Variants in GRAPL observed in about 807,000 individuals in gnomAD.
GRAPL encodes GRB2 related adaptor protein like, also known as GRB2-related adapter protein-like.
intron 3 of GRAPL, among the ~76,000 whole-genome samples, chr17:19,147,050 T>TGCGTGTGCGCGC (rs2044699615): frequency 1.7e-5 from 2 of 119,654 alleles, no homozygotes; most frequent in African/African-American, 8.4e-5. Context: ...TGTGTGTGTG[T>TGCGTGTGCGCGC]GCGCGCGCGC....
intron 3 of GRAPL, among the ~76,000 whole-genome samples, chr17:19,144,504 A>C (rs2044687362): frequency 7.0e-6 from 1 of 142,612 alleles, no homozygotes. Flanking sequence ...CATAACAGTC[A>C]CTCCACACAG....
intron 3 of GRAPL, among the ~76,000 whole-genome samples, chr17:19,144,476 C>A (rs1173155133): frequency 7.1e-6 from 1 of 141,236 alleles, no homozygotes; most frequent in Non-Finnish European, 1.5e-5. Flanking sequence ...CTCATGATTG[C>A]TCAGTGAGAG....
chr17:19,147,027 G>A (rs1461937592), intron 3 of GRAPL, among the ~76,000 whole-genome samples: 1 of 119,210 alleles, frequency 8.4e-6, no homozygotes, highest in Non-Finnish European at 1.5e-5. Context: ...GTGTGTGTGT[G>A]TGTGTGTGTG....
At chr17:19,148,832 T>A (rs1190415064) in intron 3 of GRAPL, among the ~76,000 whole-genome samples, 1 of 98,314 alleles carries the variant, frequency 1.0e-5, no homozygotes, top group Non-Finnish European at 2.0e-5. Flanking sequence ...GGCGTGAACC[T>A]GGGAGGCGGA....
intron 3 of GRAPL, among the ~76,000 whole-genome samples, chr17:19,144,364 C>A (rs2044686191): frequency 7.6e-6 from 1 of 131,380 alleles, no homozygotes; most frequent in African/African-American, 2.8e-5. Context: ...CAGCATTAGG[C>A]CTGACTTGGT....
chr17:19,148,934 A>C (rs2044714042), intron 3 of GRAPL, among the ~76,000 whole-genome samples: 1 of 133,924 alleles, frequency 7.5e-6, no homozygotes, highest in Non-Finnish European at 1.6e-5. Context: ...AGAAAAGAAA[A>C]AAGAAAGAGC....
chr17:19,147,125 C>A (rs981005748), intron 3 of GRAPL, among the ~76,000 whole-genome samples: 3 of 144,466 alleles, frequency 2.1e-5, no homozygotes, highest in African/African-American at 8.2e-5. Context: ...TCATTTAGCC[C>A]AAATGTGAAC....
chr17:19,147,044 TGTGTGTGCGCGCGC>T lies in GRAPL; in HGVS notation c.299+8458_299+8471del, dbSNP rs962163103. Reference sequence around the variant, plus strand: ...GTGTGTGTGTGTGTGTGTGTGTGTGTGTGTGTGCGCGCGCGCGCGCGTGCATGTGTCCCATCAAG... The same window carrying T: ...GTGTGTGTGTGTGTGTGTGTGTGTGTGCGCGCGTGCATGTGTCCCATCAAG... On this transcript the variant is annotated intron_variant, in intron 3 of 3. Transcript: ENST00000344415. 2.2e-4 allele frequency among the ~76,000 whole-genome samples: 27 copies of T among 125,282 alleles called. 1 individual carries two copies. The East Asian group carries it at 7.6e-3, about 35-fold the overall frequency. 82.2% of individuals were successfully genotyped at this position (125,282 alleles called of 152,430 possible). A position where few individuals can be genotyped will look rare whatever the true frequency, so the allele number is the denominator to read the frequency against.
chr17:19,149,347 A>AGCC (rs2044720832), intron 3 of GRAPL, among the ~76,000 whole-genome samples: 1 of 98,102 alleles, frequency 1.0e-5, no homozygotes, highest in African/African-American at 6.3e-5. Flanking sequence ...AAAAAAAAAA[A>AGCC]AAAAAAAAAG....
intron 3 of GRAPL, among the ~76,000 whole-genome samples, chr17:19,149,634 G>A (rs2044723059): frequency 9.2e-6 from 1 of 108,894 alleles, no homozygotes; most frequent in African/African-American, 5.9e-5. Flanking sequence ...GGTGGTGCAT[G>A]CCTGTAATCC....
At chr17:19,147,017 GT>G (rs1186862695) in intron 3 of GRAPL, among the ~76,000 whole-genome samples, 6 of 55,810 alleles carry the variant, frequency 1.1e-4, no homozygotes, top group Admixed American at 3.6e-4. Flanking sequence ...AGAGGTAGGG[GT>G]GTGTGTGTGT....
intron 3 of GRAPL, among the ~76,000 whole-genome samples, chr17:19,147,141 G>T (rs1208586347): frequency 6.9e-6 from 1 of 145,440 alleles, no homozygotes; most frequent in Admixed American, 6.8e-5. Flanking sequence ...TGAACAAAAA[G>T]ATCCCTAGCC....
chr17:19,132,752 C>CCCCAT lies in GRAPL; in HGVS notation c.176+22_176+26dup. ...TCAAGCCCCATCCGTGAGTGGACAG[C>CCCCAT]CCCATCCCATCCCCGTGGCTCTATC... is the stretch of plus-strand genomic sequence containing the variant. On this transcript the variant is annotated intron_variant, in intron 2 of 3. Coordinates refer to ENST00000344415, the MANE Select transcript of GRAPL (RefSeq NM_001129778.3). 9.9e-6 allele frequency: 3 copies of CCCCAT among 303,762 alleles called. 1 individual carries two copies. The South Asian group carries it at 1.2e-4, about 12-fold the overall frequency. 18.8% of individuals were successfully genotyped at this position (303,762 alleles called of 1,614,324 possible).
chr17:19,149,840 G>A (rs1263966234), intron 3 of GRAPL, among the ~76,000 whole-genome samples: 1 of 85,706 alleles, frequency 1.2e-5, no homozygotes, highest in Non-Finnish European at 1.8e-5. Context: ...GAGGCCGACC[G>A]AGGTGGGTGG....
chr17:19,147,016 G>GGTGTGTGT lies in GRAPL; in HGVS notation c.299+8456_299+8463dup, dbSNP rs764286470. 2.5e-3 allele frequency among the ~76,000 whole-genome samples: 241 copies of GGTGTGTGT among 97,962 alleles called. 1 individual carries two copies. The highest frequency in any genetic ancestry group is 9.8e-3 in the South Asian group (17 of 1,730). The allele number at this position is 97,962 out of a possible 152,430, so 64.3% of individuals were successfully genotyped here. A position where few individuals can be genotyped will look rare whatever the true frequency, so the allele number is the denominator to read the frequency against. ...CAATTTACAACCCAGGAGAGGTAGG[G>GGTGTGTGT]GTGTGTGTGTGTGTGTGTGTGTGTG... On this transcript the variant is annotated intron_variant, in intron 3 of 3. Coordinates refer to ENST00000344415, the MANE Select transcript of GRAPL (RefSeq NM_001129778.3).
intron 3 of GRAPL, among the ~76,000 whole-genome samples, chr17:19,148,818 G>A (rs1232712345): frequency 7.4e-5 from 8 of 107,428 alleles, no homozygotes; most frequent in African/African-American, 2.4e-4. Context: ...TGAGGCAGGA[G>A]AATGGCGTGA....
Position 19,147,050 on chromosome 17 carries a change from TGCGCGC to T in GRAPL, c.299+8472_299+8477del, listed in dbSNP as rs202183900. Among the ~76,000 whole-genome samples, 116 of 119,592 alleles carry T rather than the reference TGCGCGC, an allele frequency of 9.7e-4. 3 individuals carry two copies. The East Asian group carries it at 0.021, about 22-fold the overall frequency. The allele number at this position is 119,592 out of a possible 152,430, so 78.5% of individuals were successfully genotyped here. ...GTGTGTGTGTGTGTGTGTGTGTGTG[TGCGCGC>T]GCGCGCGCGTGCATGTGTCCCATCA... On this transcript the variant is annotated intron_variant, in intron 3 of 3. Transcript: ENST00000344415.
intron 3 of GRAPL, among the ~76,000 whole-genome samples, chr17:19,147,219 C>A (rs2044703526): frequency 7.0e-6 from 1 of 143,554 alleles, no homozygotes; most frequent in Non-Finnish European, 1.5e-5. Context: ...CCTGCCTCAC[C>A]CGGCTCACAG....
At chr17:19,147,048 TGTGCGCGCGCGCGCGC>T (rs1327402845) in intron 3 of GRAPL, among the ~76,000 whole-genome samples, 2 of 125,990 alleles carry the variant, frequency 1.6e-5, no homozygotes, top group East Asian at 3.6e-4. Context: ...TGTGTGTGTG[TGTGCGCGCGCGCGCGC>T]GTGCATGTGT....
Sources: allele counts gnomAD v4.1 joint callset (sites outside exome capture counted in the v4.1 genomes callset), GRCh38; gene constraint gnomAD v4.1.1; transcripts MANE v1.5; gene names NCBI Gene and HGNC (gene_info 2026-07-23, HGNC 2026-07-21).